The following HAVCR1 variants were observed in gnomAD, a reference collection of about 807,000 sequenced individuals.
The protein encoded by HAVCR1 is hepatitis A virus cellular receptor 1.
A neutral mutation model predicts 32.0 loss-of-function variants in HAVCR1; 34 were observed. The ratio of observed to expected loss-of-function variants is 1.06; its 90% CI spans 0.81 to 1.42. The LOEUF (loss-of-function observed/expected upper bound fraction) is 1.42, where lower values mean the gene tolerates loss of function less well. HAVCR1 is among the 40% of genes most tolerant of loss of function. The pLI is 0.00. For synonymous variants in HAVCR1, 178 were observed against 170.3 expected (o/e 1.05, Z -0.35); for missense variants, 420 against 442.3 (o/e 0.95, Z 0.45).
intron 2 of HAVCR1, among the ~76,000 whole-genome samples, chr5:157,057,448 AAAG>A (rs1246334540): frequency 1.4e-5 from 2 of 138,796 alleles, no homozygotes; most frequent in African/African-American, 5.1e-5. Context: ...AGAAAGAAAG[AAAG>A]AAAGAAAGAA....
intron 7 of HAVCR1, among the ~76,000 whole-genome samples, chr5:157,035,811 T>G (rs1754492056): frequency 6.6e-6 from 1 of 151,916 alleles, no homozygotes; most frequent in African/African-American, 2.4e-5. Context: ...AAAATAAAAA[T>G]AATACACAAC....
intron 4 of HAVCR1, among the ~76,000 whole-genome samples, chr5:157,050,218 C>T (rs1226321447): frequency 1.3e-5 from 2 of 152,198 alleles, no homozygotes; most frequent in East Asian, 3.9e-4. Context: ...GAGGATGTGG[C>T]TCTCTTTCGG....
Position 157,052,539 on chromosome 5 carries a change from AGTT to A in HAVCR1, c.492_494del (p.Thr165del). ...TTGGAATGCTCATTGTTGTTGGAAC[AGTT>A]GTCGTTGGAACAGTCGTCATTGGAA... On this transcript the variant is annotated inframe_deletion, in exon 4 of 9. Coordinates refer to ENST00000523175, the MANE Select transcript of HAVCR1 (RefSeq NM_001173393.3). 1 of 1,554,382 alleles carries A rather than the reference AGTT, an allele frequency of 6.4e-7. No homozygotes were observed. Among genetic ancestry groups the A allele is most frequent in the South Asian group, 1.1e-5 (1 of 87,216 alleles).
chr5:157,037,308 A>G lies in HAVCR1; in HGVS notation c.891T>C (p.Tyr297=). The G allele has an allele frequency of 6.2e-7, 1 of 1,607,942 alleles. No individual in the cohort carries two copies. Among genetic ancestry groups the G allele is most frequent in the Non-Finnish European group, 8.5e-7 (1 of 1,174,318 alleles). Residue 297 remains tyrosine (Y), a synonymous_variant, in exon 7 of 9, where the codon TAT becomes TAC. Transcript: ENST00000523175. Reference sequence around the variant, plus strand: ...CCAAGACAGAAATACAGACTCCAGCATAGATTCCTTTAGTGGTATTGGCCG... The same window carrying G: ...CCAAGACAGAAATACAGACTCCAGCGTAGATTCCTTTAGTGGTATTGGCCG... ...LLTANTTKGI[Y]AGVCISVLVL... is the part of the protein sequence containing the mutation.
chr5:157,039,359 C>G (rs940811257), intron 6 of HAVCR1, among the ~76,000 whole-genome samples: 23 of 152,234 alleles, frequency 1.5e-4, no homozygotes, highest in Admixed American at 3.9e-4. Flanking sequence ...AGTAAATGCA[C>G]TGCAATGACT....
intron 2 of HAVCR1, among the ~76,000 whole-genome samples, chr5:157,057,225 AGAATTGCTT>A (rs1335330326): frequency 9.2e-5 from 14 of 151,576 alleles, no homozygotes; most frequent in Non-Finnish European, 1.6e-4. Context: ...ACTGAGGCAG[AGAATTGCTT>A]GAACCCAGGA....
At chr5:157,036,575 T>A (rs1754547216) in intron 7 of HAVCR1, among the ~76,000 whole-genome samples, 1 of 152,224 alleles carries the variant, frequency 6.6e-6, no homozygotes, top group Admixed American at 6.5e-5. Context: ...AAAACTCCAC[T>A]AGAATGTAAC....
At chr5:157,060,656 G>A (rs556772847), upstream of HAVCR1, among the ~76,000 whole-genome samples, 28 of 152,200 alleles carry the variant, frequency 1.8e-4, no homozygotes, top group African/African-American at 5.8e-4. Context: ...TTCTGGTAAC[G>A]GAGTTATTCT....
At chr5:157,044,613 A>G (rs62382453) in intron 5 of HAVCR1, among the ~76,000 whole-genome samples, 964 of 25,292 alleles carry the variant, frequency 0.038, 57 homozygotes, top group East Asian at 0.12. Context: ...GAAAGAAAGA[A>G]AGAGAAAGAA....
chr5:157,044,418 AAGG>A (rs1561589801), intron 5 of HAVCR1, among the ~76,000 whole-genome samples: 1 of 43,098 alleles, frequency 2.3e-5, no homozygotes, highest in Non-Finnish European at 4.0e-5. Context: ...GGAAGGAAGG[AAGG>A]AGAAAGAAAG....
chr5:157,055,647 A>G (rs1581728268), intron 2 of HAVCR1, 114 bp from the exon 3 acceptor site: 1 of 630,202 alleles, frequency 1.6e-6, no homozygotes, highest in African/African-American at 1.8e-5. Context: ...AGGCAGATCA[A>G]CCCAGGTCAG....
At chr5:157,063,132 A>AG (rs1756524830), upstream of HAVCR1, among the ~76,000 whole-genome samples, 1 of 138,250 alleles carries the variant, frequency 7.2e-6, no homozygotes, top group Admixed American at 7.4e-5. Flanking sequence ...AAAAAAAAAA[A>AG]GAAAGAAAGA....
At chr5:157,034,135 G>A (rs920892528) in intron 7 of HAVCR1, among the ~76,000 whole-genome samples, 11 of 152,030 alleles carry the variant, frequency 7.2e-5, no homozygotes, top group South Asian at 4.2e-4. Flanking sequence ...CTCAGCATAC[G>A]GAGGACCCAC....
At chr5:157,069,295 G>A in the HAVCR1 span, among the ~76,000 whole-genome samples, 17 of 152,106 alleles carry the variant, frequency 1.1e-4, no homozygotes, top group African/African-American at 3.4e-4. Context: ...ATAAAACTAC[G>A]AAAGTCCAAG....
chr5:157,053,957 G>C (rs1404787655), intron 3 of HAVCR1, among the ~76,000 whole-genome samples: 1 of 151,902 alleles, frequency 6.6e-6, no homozygotes, highest in Non-Finnish European at 1.5e-5. Context: ...GAGGCAAGTG[G>C]ATCACTTGAG....
chr5:157,032,099 TA>T (rs1754210091), intron 8 of HAVCR1, among the ~76,000 whole-genome samples: 1 of 151,934 alleles, frequency 6.6e-6, no homozygotes, highest in Admixed American at 6.5e-5. Context: ...TGTAAGCATG[TA>T]AAAGAACCAT....
chr5:157,068,026 C>A, the HAVCR1 span, among the ~76,000 whole-genome samples: 1 of 150,870 alleles, frequency 6.6e-6, no homozygotes, highest in African/African-American at 2.4e-5. Context: ...AATCCCAGCA[C>A]TTTGGGAGGC....
chr5:157,035,594 T>C (rs1253798363), intron 7 of HAVCR1, among the ~76,000 whole-genome samples: 1 of 152,086 alleles, frequency 6.6e-6, no homozygotes, highest in Non-Finnish European at 1.5e-5. Flanking sequence ...AAATGAGTGT[T>C]GCAAAATTTT....
intron 4 of HAVCR1, among the ~76,000 whole-genome samples, chr5:157,051,633 C>T (rs7702877): frequency 0.34 from 51,596 of 151,986 alleles, 9,168 homozygotes; most frequent in East Asian, 0.66. Context: ...CGGCCCCAAG[C>T]GATTCCTCCA....
Sources: allele counts gnomAD v4.1 joint callset (sites outside exome capture counted in the v4.1 genomes callset), GRCh38; gene constraint gnomAD v4.1.1; transcripts MANE v1.5; gene names NCBI Gene and HGNC (gene_info 2026-07-23, HGNC 2026-07-21).